LLPH: variants seen among roughly 807,000 people sequenced by gnomAD.
LLPH encodes protein LLP homolog.
In LLPH, 5 loss-of-function variants were observed where a neutral mutation model predicts 13.3. The ratio of observed to expected loss-of-function variants is 0.38; its 90% CI spans 0.20 to 0.79. LLPH has a LOEUF of 0.79. Ranked by LOEUF, LLPH falls within the 30% of genes least tolerant of loss-of-function variation. LLPH has a pLI of 0.45. For missense variants in LLPH, 129 were observed against 152.1 expected, an observed-to-expected ratio of 0.85 and a Z score of 0.80; for synonymous variants, 32 against 44.2, an observed-to-expected ratio of 0.72 and a Z score of 1.09.
At position 66,121,487 on chromosome 12, in the gene LLPH, G is replaced by T. The variant is rs559339274; in HGVS notation, c.*2353C>A. 1 of 151,484 alleles carries T rather than the reference G, an allele frequency of 6.6e-6. No individual in the cohort carries two copies. Among genetic ancestry groups the T allele is most frequent in the East Asian group, 2.0e-4 (1 of 5,034 alleles). The allele number at this position is 151,484 out of a possible 1,614,324, so 9.4% of individuals were successfully genotyped here. On this transcript the variant is annotated 3_prime_UTR_variant, in exon 3 of 3. Coordinates refer to ENST00000266604, the MANE Select transcript of LLPH (RefSeq NM_032338.4). ...AGTAGAGACAGGGTTTCACCATGTT[G>T]GTCAGGCTGGTCTCAAACTCCTGAC...
chr12:66,128,281 GC>G (rs1199982953), intron 2 of LLPH, among the ~76,000 whole-genome samples: 1 of 152,116 alleles, frequency 6.6e-6, no homozygotes, highest in African/African-American at 2.4e-5. Context: ...TCTGGGTATT[GC>G]AAATACTTAA....
rs747145330 is a variant in LLPH at position 66,122,995 on chromosome 12, T to C, written c.*845A>G. 1.3e-5 allele frequency: 2 copies of C among 152,084 alleles called. No individual in the cohort carries two copies. Among genetic ancestry groups the C allele is most frequent in the Non-Finnish European group, 2.9e-5 (2 of 68,028 alleles). The allele number at this position is 152,084 out of a possible 1,614,324, so 9.4% of individuals were successfully genotyped here. On this transcript the variant is annotated 3_prime_UTR_variant, in exon 3 of 3. Coordinates refer to ENST00000266604, the MANE Select transcript of LLPH (RefSeq NM_032338.4). ...AAAATTAAGATAAGAAAACATTTAA[T>C]TGAAATCTGGTCTTCTCTAGGACTA...
At chr12:66,129,566 T>C (rs1001411052) in intron 1 of LLPH, among the ~76,000 whole-genome samples, 1 of 152,058 alleles carries the variant, frequency 6.6e-6, no homozygotes, top group Non-Finnish European at 1.5e-5. Context: ...TTTGTATTTT[T>C]AGTAGAGACG....
At chr12:66,124,672 A>G (rs1178357557) in intron 2 of LLPH, among the ~76,000 whole-genome samples, 1 of 152,194 alleles carries the variant, frequency 6.6e-6, no homozygotes, top group Non-Finnish European at 1.5e-5. Context: ...CAGGATACAC[A>G]AAGTCTTCTA....
chr12:66,120,434 G>A lies in LLPH; in HGVS notation c.*3406C>T, dbSNP rs1048232670. 1 of 152,186 alleles carries A rather than the reference G, an allele frequency of 6.6e-6. No individual in the cohort carries two copies. The highest frequency in any genetic ancestry group is 2.4e-5 in the African/African-American group (1 of 41,448). The allele number at this position is 152,186 out of a possible 1,614,324, so 9.4% of individuals were successfully genotyped here. On this transcript the variant is annotated 3_prime_UTR_variant, in exon 3 of 3. Transcript: ENST00000266604. ...TTAGTTGTATGGCCTGTGTGCCTCA[G>A]TTTCCCCATGTGTAAACAGAGATTA...
Position 66,123,561 on chromosome 12 carries a change from T to C in LLPH, c.*279A>G, listed in dbSNP as rs1009623186. 7.3e-6 allele frequency: 3 copies of C among 410,080 alleles called. No homozygotes were observed. The highest frequency in any genetic ancestry group is 4.1e-5 in the African/African-American group (2 of 49,070). The allele number at this position is 410,080 out of a possible 1,614,324, so 25.4% of individuals were successfully genotyped here. On this transcript the variant is annotated 3_prime_UTR_variant, in exon 3 of 3. Coordinates refer to ENST00000266604, the MANE Select transcript of LLPH (RefSeq NM_032338.4). Reference sequence around the variant, plus strand: ...AGTTGTAAGAACAATTCTAACCATATTAATACCTGACAGAACGTTGAGGCC... The same window carrying C: ...AGTTGTAAGAACAATTCTAACCATACTAATACCTGACAGAACGTTGAGGCC...
At chr12:66,124,951 G>A (rs1328277865) in intron 2 of LLPH, among the ~76,000 whole-genome samples, 9 of 152,092 alleles carry the variant, frequency 5.9e-5, no homozygotes, top group Admixed American at 1.3e-4. Context: ...TCAGCTATTC[G>A]GGAGACTGGG....
rs1176990535 is a variant in LLPH, at chr12:66,121,084, T to C, written c.*2756A>G. On this transcript the variant is annotated 3_prime_UTR_variant, in exon 3 of 3. Transcript: ENST00000266604. Reference sequence around the variant, plus strand: ...CAAGTTAAATCCTGAATGGACAAACTTCATGACTGGACACAATGAAGTGAA... The same window carrying C: ...CAAGTTAAATCCTGAATGGACAAACCTCATGACTGGACACAATGAAGTGAA... 1 of 151,976 alleles carries C rather than the reference T, an allele frequency of 6.6e-6. No individual in the cohort carries two copies. Among genetic ancestry groups the C allele is most frequent in the Non-Finnish European group, 1.5e-5 (1 of 68,024 alleles). The allele number at this position is 151,976 out of a possible 1,614,324, so 9.4% of individuals were successfully genotyped here. A position where few individuals can be genotyped will look rare whatever the true frequency, so the allele number is the denominator to read the frequency against.
rs988643679 is a variant in LLPH at position 66,116,683 on chromosome 12, C to T, written c.*7157G>A. 2.0e-5 allele frequency: 3 copies of T among 152,198 alleles called. No homozygotes were observed. The highest frequency in any genetic ancestry group is 4.4e-5 in the Non-Finnish European group (3 of 68,036). 9.4% of individuals were successfully genotyped at this position (152,198 alleles called of 1,614,324 possible). On this transcript the variant is annotated 3_prime_UTR_variant, in exon 3 of 3. Transcript: ENST00000266604. The stretch of plus-strand genomic sequence containing the variant: ...GCTGATATTGAAAACTATAAAGACA[C>T]AATGTGAGAGTAAGAAAGTGTTTCA...
In LLPH at chr12:66,127,844, C is replaced by T. The variant is rs146817814; in HGVS notation, c.211+1052G>A. On this transcript the variant is annotated intron_variant, in intron 2 of 2. Coordinates refer to ENST00000266604, the MANE Select transcript of LLPH (RefSeq NM_032338.4). The stretch of plus-strand genomic sequence containing the variant: ...TTTCTTTCTTTCTTTTGACATTGAA[C>T]ATCCCAGAACACATCTATGCTGTTG... 3.1e-4 allele frequency among the ~76,000 whole-genome samples: 47 copies of T among 152,312 alleles called. No individual in the cohort carries two copies. The South Asian group carries it at 5.4e-3, about 17-fold the overall frequency.
chr12:66,124,094 A>AT, intron 2 of LLPH, 76 bp from the exon 3 acceptor site: 1 of 890,868 alleles, frequency 1.1e-6, no homozygotes, highest in Non-Finnish European at 1.7e-6. Flanking sequence ...TAATGCACTG[A>AT]GAACATCAGA....
intron 1 of LLPH, among the ~76,000 whole-genome samples, chr12:66,130,214 G>C (rs1369844467): frequency 6.6e-6 from 1 of 152,046 alleles, no homozygotes; most frequent in Non-Finnish European, 1.5e-5. Flanking sequence ...TCCCTTCCCT[G>C]CTTATTAAGT....
In LLPH at chr12:66,118,654, T is replaced by C. The variant is rs1215211441; in HGVS notation, c.*5186A>G. The C allele has an allele frequency of 3.9e-5, 6 of 152,178 alleles. No homozygotes were observed. Among genetic ancestry groups the C allele is most frequent in the African/African-American group, 1.4e-4 (6 of 41,424 alleles). The allele number at this position is 152,178 out of a possible 1,614,324, so 9.4% of individuals were successfully genotyped here. Reference sequence around the variant, plus strand: ...AATAGGCTATATCACATAGCCTAAGTGTAGTAGACGATACCCTCTAGATTT... The same window carrying C: ...AATAGGCTATATCACATAGCCTAAGCGTAGTAGACGATACCCTCTAGATTT... On this transcript the variant is annotated 3_prime_UTR_variant, in exon 3 of 3. Coordinates refer to ENST00000266604, the MANE Select transcript of LLPH (RefSeq NM_032338.4).
At chr12:66,130,669 C>A (rs2051529518) in intron 1 of LLPH, 36 bp downstream of exon 1, 1 of 152,312 alleles carries the variant, frequency 6.6e-6, no homozygotes, top group African/African-American at 2.4e-5. Flanking sequence ...GCCCCAAGTC[C>A]CATGTGTCAC....
chr12:66,128,899 T>C lies in LLPH; in HGVS notation c.208A>G (p.Lys70Glu), dbSNP rs1239210709. The C allele has an allele frequency of 1.9e-6, 3 of 1,608,148 alleles. No homozygotes were observed. Among genetic ancestry groups the C allele is most frequent in the South Asian group, 2.2e-5 (2 of 89,594 alleles). Residue 70 changes from lysine to glutamate, a missense_variant, in exon 2 of 3, where the codon AAA (lysine) becomes GAA (glutamate). Coordinates refer to ENST00000266604, the MANE Select transcript of LLPH (RefSeq NM_032338.4). ...GAAAAAGGAGAAGCACACTCACCTT[T>C]TTCATCTTTTACCTCACATTGCATT... ...EKMQCEVKDEKDDMKMETDIK... is the reference protein window; with the variant it reads ...EKMQCEVKDEEDDMKMETDIK...
At chr12:66,128,222 T>A (rs1477398232) in intron 2 of LLPH, among the ~76,000 whole-genome samples, 2 of 152,196 alleles carry the variant, frequency 1.3e-5, no homozygotes, top group Non-Finnish European at 2.9e-5. Flanking sequence ...GAAATACTGC[T>A]CTTTTCCTTG....
chr12:66,121,035 T>G lies in LLPH; in HGVS notation c.*2805A>C, dbSNP rs1358692347. The G allele has an allele frequency of 1.3e-5, 2 of 152,200 alleles. No individual in the cohort carries two copies. The highest frequency in any genetic ancestry group is 2.9e-5 in the Non-Finnish European group (2 of 68,028). 9.4% of individuals were successfully genotyped at this position (152,200 alleles called of 1,614,324 possible). A position where few individuals can be genotyped will look rare whatever the true frequency, so the allele number is the denominator to read the frequency against. On this transcript the variant is annotated 3_prime_UTR_variant, in exon 3 of 3. Coordinates refer to ENST00000266604, the MANE Select transcript of LLPH (RefSeq NM_032338.4). ...AAATATGTTTTCTGGTAATGGTGCT[T>G]TGATTTTTGATTTTGTTAACTTTCA...
At position 66,122,235 on chromosome 12, in the gene LLPH, T is replaced by C. The variant is rs796484443; in HGVS notation, c.*1605A>G. The C allele has an allele frequency of 1.1e-4, 17 of 152,348 alleles. No homozygotes were observed. The highest frequency in any genetic ancestry group is 3.8e-4 in the African/African-American group (16 of 41,586). 9.4% of individuals were successfully genotyped at this position (152,348 alleles called of 1,614,324 possible). Reference sequence around the variant, plus strand: ...TATAAGCTTAAATTTTCTGAAACATTTGGGTCATGTCCTCTTTATTACAAT... The same window carrying C: ...TATAAGCTTAAATTTTCTGAAACATCTGGGTCATGTCCTCTTTATTACAAT... On this transcript the variant is annotated 3_prime_UTR_variant, in exon 3 of 3. Coordinates refer to ENST00000266604, the MANE Select transcript of LLPH (RefSeq NM_032338.4).
At chr12:66,125,623 GA>G (rs918234085) in intron 2 of LLPH, among the ~76,000 whole-genome samples, 50 of 150,218 alleles carry the variant, frequency 3.3e-4, no homozygotes, top group Admixed American at 1.5e-3. Flanking sequence ...GGATGATGAG[GA>G]AAAAAAAAGA....
Sources: allele counts gnomAD v4.1 joint callset (sites outside exome capture counted in the v4.1 genomes callset), GRCh38; gene constraint gnomAD v4.1.1; transcripts MANE v1.5; gene names NCBI Gene and HGNC (gene_info 2026-07-23, HGNC 2026-07-21).